Variants in NAAA observed in about 807,000 individuals in gnomAD.
The protein encoded by NAAA is N-acylethanolamine-hydrolyzing acid amidase.
Under a neutral mutation model 44.8 loss-of-function variants are expected in NAAA, and 39 were observed. That is an observed-to-expected ratio of 0.87 (90% confidence interval 0.67 to 1.14). The LOEUF (loss-of-function observed/expected upper bound fraction) is 1.14. Among genes scored for constraint, NAAA ranks in the 50% most tolerant of loss-of-function variants. NAAA has a pLI of 0.00. For synonymous variants in NAAA, 178 were observed against 191.3 expected (o/e 0.93, Z 0.58); for missense variants, 460 against 467.8 (o/e 0.98, Z 0.15).
At chr4:75,937,194 G>C (rs1165049191) in intron 2 of NAAA, among the ~76,000 whole-genome samples, 1 of 152,156 alleles carries the variant, frequency 6.6e-6, no homozygotes, top group Non-Finnish European at 1.5e-5. Context: ...GCCAAGGTGG[G>C]TGAATCATGA....
At chr4:75,917,991 A>G (rs1371896775) in intron 9 of NAAA, among the ~76,000 whole-genome samples, 1 of 152,192 alleles carries the variant, frequency 6.6e-6, no homozygotes, top group Non-Finnish European at 1.5e-5. Context: ...TTCAGAATTT[A>G]TTTCTAAGGA....
rs1728237804 is a variant in NAAA, at chr4:75,940,950, G to A, written c.-1C>T. 1 of 1,482,590 alleles carries A rather than the reference G, an allele frequency of 6.7e-7. No individual in the cohort carries two copies. The highest frequency in any genetic ancestry group is 1.3e-5 in the South Asian group (1 of 77,044). 91.8% of individuals were successfully genotyped at this position (1,482,590 alleles called of 1,614,324 possible). A position where few individuals can be genotyped will look rare whatever the true frequency, so the allele number is the denominator to read the frequency against. On this transcript the variant is annotated 5_prime_UTR_variant, in exon 1 of 11. Coordinates refer to ENST00000286733, the MANE Select transcript of NAAA (RefSeq NM_014435.4). ...GCGCCTCCCGGTCCGCGGTCCGCAT[G>A]GCTCGGGCTCCAGCGGCCGCAACTT...
At chr4:75,922,146 G>C (rs776903951) in intron 5 of NAAA, among the ~76,000 whole-genome samples, 1 of 152,088 alleles carries the variant, frequency 6.6e-6, no homozygotes, top group African/African-American at 2.4e-5. Context: ...CAAGGTATTG[G>C]TGTCTGCAAA....
intron 10 of NAAA, among the ~76,000 whole-genome samples, chr4:75,914,550 T>C (rs1030578511): frequency 6.6e-6 from 1 of 151,984 alleles, no homozygotes; most frequent in African/African-American, 2.4e-5. Flanking sequence ...ACAGTTTTTT[T>C]GTAGTTTTAG....
At position 75,937,889 on chromosome 4, in the gene NAAA, G is replaced by A. The variant is rs144510176; in HGVS notation, c.372-1654C>T. Among the ~76,000 whole-genome samples the A allele has an allele frequency of 9.8e-4, 149 of 152,318 alleles. 1 individual carries two copies. The highest frequency in any genetic ancestry group is 3.4e-3 in the African/African-American group (141 of 41,564). ...AGCAAAGTTTGTGGGATCTCTCTCAGAGGCGATTTTTCAAAATTGGCAAGA... is the reference window on the plus strand; with the variant it reads ...AGCAAAGTTTGTGGGATCTCTCTCAAAGGCGATTTTTCAAAATTGGCAAGA... On this transcript the variant is annotated intron_variant, in intron 2 of 10. Transcript: ENST00000286733.
At chr4:75,938,420 A>G (rs561260897) in intron 2 of NAAA, among the ~76,000 whole-genome samples, 2 of 152,354 alleles carry the variant, frequency 1.3e-5, no homozygotes, top group African/African-American at 2.4e-5. Flanking sequence ...GTAAGTTAAA[A>G]ATAGGAAAAA....
chr4:75,919,102 C>T (rs770369023), intron 8 of NAAA, among the ~76,000 whole-genome samples: 45 of 152,136 alleles, frequency 3.0e-4, no homozygotes, highest in Middle Eastern at 3.4e-3. Context: ...AATGCAGTGG[C>T]ATGATCTTGG....
rs1725431830 is a variant in NAAA, at chr4:75,913,788, AAAG to A, written c.*584_*586del. ...AAGCAGTAAGAAAGTAGCTATTGAG[AAAG>A]AAGGAGGGCCATAGGTTTTTCAATA... On this transcript the variant is annotated 3_prime_UTR_variant, in exon 11 of 11. Coordinates refer to ENST00000286733, the MANE Select transcript of NAAA (RefSeq NM_014435.4). 1.0e-6 allele frequency: 1 copy of A among 984,730 alleles called. No individual in the cohort carries two copies. Among genetic ancestry groups the A allele is most frequent in the Non-Finnish European group, 1.2e-6 (1 of 829,276 alleles). 61.0% of individuals were successfully genotyped at this position (984,730 alleles called of 1,614,324 possible). A position where few individuals can be genotyped will look rare whatever the true frequency, so the allele number is the denominator to read the frequency against.
At chr4:75,913,378 T>C (rs1482721445), downstream of NAAA, among the ~76,000 whole-genome samples, 1 of 151,998 alleles carries the variant, frequency 6.6e-6, no homozygotes. Flanking sequence ...CTGGTGTTTC[T>C]TTTTCCCGGG....
rs1462163771 is a variant in NAAA, at chr4:75,940,954, C to T, written c.-5G>A. ...CTCCCGGTCCGCGGTCCGCATGGCT[C>T]GGGCTCCAGCGGCCGCAACTTGGAG... On this transcript the variant is annotated 5_prime_UTR_variant, in exon 1 of 11. Coordinates refer to ENST00000286733, the MANE Select transcript of NAAA (RefSeq NM_014435.4). 3 of 1,471,344 alleles carry T rather than the reference C, an allele frequency of 2.0e-6. No homozygotes were observed. The highest frequency in any genetic ancestry group is 2.4e-4 in the Middle Eastern group (1 of 4,178). The allele number at this position is 1,471,344 out of a possible 1,614,324, so 91.1% of individuals were successfully genotyped here. A position where few individuals can be genotyped will look rare whatever the true frequency, so the allele number is the denominator to read the frequency against.
At chr4:75,936,756 C>T (rs930074117) in intron 2 of NAAA, among the ~76,000 whole-genome samples, 2 of 152,192 alleles carry the variant, frequency 1.3e-5, no homozygotes, top group African/African-American at 4.8e-5. Context: ...CTTTTCCTTT[C>T]TCTCTCCAGC....
In NAAA at chr4:75,913,974, C is replaced by T. The variant is rs534537910; in HGVS notation, c.*401G>A. 24 of 985,398 alleles carry T rather than the reference C, an allele frequency of 2.4e-5. No homozygotes were observed. In the South Asian group the frequency reaches 8.5e-4, roughly 35 times the overall value. 61.0% of individuals were successfully genotyped at this position (985,398 alleles called of 1,614,324 possible). A position where few individuals can be genotyped will look rare whatever the true frequency, so the allele number is the denominator to read the frequency against. On this transcript the variant is annotated 3_prime_UTR_variant, in exon 11 of 11. Transcript: ENST00000286733. ...CTTAGGCTCTTTCAGAAGCACTTCACAATGAACAGAGGTCTTGCCAGCTCA... is the reference window on the plus strand; with the variant it reads ...CTTAGGCTCTTTCAGAAGCACTTCATAATGAACAGAGGTCTTGCCAGCTCA...
chr4:75,929,440 G>C (rs1442457236), intron 4 of NAAA, among the ~76,000 whole-genome samples: 1 of 152,300 alleles, frequency 6.6e-6, no homozygotes, highest in East Asian at 1.9e-4. Context: ...ACCATGCCTG[G>C]CTAAAAGCAG....
intron 5 of NAAA, among the ~76,000 whole-genome samples, chr4:75,921,870 G>A (rs1388521247): frequency 6.6e-6 from 1 of 152,128 alleles, no homozygotes; most frequent in Non-Finnish European, 1.5e-5. Flanking sequence ...ACACCCCGAG[G>A]GCGCATGATG....
intron 9 of NAAA, chr4:75,917,629 T>C (rs61706895): frequency 0.068 from 16,556 of 244,498 alleles, 1,049 homozygotes; most frequent in African/African-American, 0.19. Context: ...TCATGCCTGG[T>C]TGATTTTTGT....
intron 5 of NAAA, among the ~76,000 whole-genome samples, chr4:75,921,326 A>C (rs994141600): frequency 3.3e-5 from 5 of 152,242 alleles, no homozygotes; most frequent in Non-Finnish European, 2.9e-5. Flanking sequence ...GAGCAGCAGG[A>C]AATTCTGACA....
At chr4:75,925,851 A>G (rs749816976) in intron 4 of NAAA, 40 bp from the exon 5 acceptor site, 8 of 1,558,596 alleles carry the variant, frequency 5.1e-6, no homozygotes, top group East Asian at 4.5e-5. Context: ...GTGTGTGTAT[A>G]TATGTACACA....
In NAAA at chr4:75,940,761, C is replaced by A; in HGVS notation, c.189G>T (p.Ala63=). 6.3e-7 allele frequency: 1 copy of A among 1,597,296 alleles called. No individual in the cohort carries two copies. Residue 63 remains alanine, a synonymous_variant, in exon 1 of 11, where the codon GCG becomes GCT. Transcript: ENST00000286733. The part of the protein sequence containing the change: ...RHYDLDLVRA[A]MAQVIGDRVP... The stretch of plus-strand genomic sequence containing the variant: ...CAGCTCACCCGATGACTTGCGCCAT[C>A]GCGGCGCGCACCAAGTCCAAGTCGT...
chr4:75,914,630 C>G (rs1725488608), intron 10 of NAAA, among the ~76,000 whole-genome samples: 1 of 152,162 alleles, frequency 6.6e-6, no homozygotes, highest in Non-Finnish European at 1.5e-5. Flanking sequence ...CTGCCTGCCT[C>G]TGCCTCTCAA....
Sources: allele counts gnomAD v4.1 joint callset (sites outside exome capture counted in the v4.1 genomes callset), GRCh38; gene constraint gnomAD v4.1.1; transcripts MANE v1.5; gene names NCBI Gene and HGNC (gene_info 2026-07-23, HGNC 2026-07-21).